FRAS1: variants seen among roughly 807,000 people sequenced by gnomAD.
The protein encoded by FRAS1 is Fraser extracellular matrix complex subunit 1.
FRAS1 carries 290 observed loss-of-function variants against 435.2 expected under a neutral mutation model. The observed-to-expected ratio is 0.67, with a 90% CI of 0.61 to 0.73. The LOEUF is 0.73. FRAS1 is among the 30% of genes least tolerant of loss of function. FRAS1 has a pLI of 0.00. For missense variants in FRAS1, 4,860 were observed against 5,001.5 expected, an observed-to-expected ratio of 0.97 and a Z score of 0.85; for synonymous variants, 1,800 against 1,851.0, an observed-to-expected ratio of 0.97 and a Z score of 0.71.
intron 11 of FRAS1, among the ~76,000 whole-genome samples, chr4:78,282,561 G>A (rs1054016667): frequency 6.6e-6 from 1 of 152,136 alleles, no homozygotes; most frequent in Non-Finnish European, 1.5e-5. Flanking sequence ...TACTTTCACA[G>A]CTTATCTCTG....
At chr4:78,345,493 C>T (rs1454891) in intron 20 of FRAS1, among the ~76,000 whole-genome samples, 15,668 of 151,846 alleles carry the variant, frequency 0.1, 908 homozygotes, top group African/African-American at 0.15. Context: ...TTTCAACTTC[C>T]TCTTTATTCC....
At chr4:78,315,348 G>A (rs536291547) in intron 15 of FRAS1, among the ~76,000 whole-genome samples, 2 of 152,284 alleles carry the variant, frequency 1.3e-5, no homozygotes, top group African/African-American at 4.8e-5. Context: ...GGTTACACTG[G>A]TGGGTGTGCC....
At chr4:78,518,121 AAAAC>A (rs71661172) in intron 66 of FRAS1, among the ~76,000 whole-genome samples, 74,634 of 149,468 alleles carry the variant, frequency 0.5, 19,144 homozygotes, top group East Asian at 0.72. Flanking sequence ...CATCTCTTGA[AAAAC>A]AAACAAACAA....
Position 78,540,615 on chromosome 4 carries a change from C to T in FRAS1, c.11530C>T (p.Leu3844Phe), listed in dbSNP as rs980354509. ...CTCAGGGCCCCGGGTCCAGCGCTCT[C>T]TCACAGCTCCACTCAGACGCAACCG... Reference protein sequence around the residue: ...TISGPRVQRSLTAPLRRNRRD... With the variant: ...TISGPRVQRSFTAPLRRNRRD... The change falls in exon 74 of 74, where the codon CTC (leucine) becomes TTC (phenylalanine). Residue 3844 changes from leucine (L) to phenylalanine (F), a missense_variant. Transcript: ENST00000512123. 1.9e-6 allele frequency: 3 copies of T among 1,568,208 alleles called. No individual in the cohort carries two copies. Among genetic ancestry groups the T allele is most frequent in the Non-Finnish European group, 2.6e-6 (3 of 1,156,994 alleles).
intron 20 of FRAS1, among the ~76,000 whole-genome samples, chr4:78,344,549 A>G (rs1730529957): frequency 6.9e-6 from 1 of 144,812 alleles, no homozygotes; most frequent in East Asian, 2.0e-4. Context: ...CCATGATGCA[A>G]GTACAATTGC....
intron 14 of FRAS1, among the ~76,000 whole-genome samples, chr4:78,287,446 G>T (rs113839095): frequency 1.8e-4 from 27 of 152,282 alleles, no homozygotes; most frequent in African/African-American, 6.3e-4. Flanking sequence ...AACTAAGGCA[G>T]GGTGTGTAGT....
intron 2 of FRAS1, chr4:78,070,566 C>T (rs1740291697): frequency 6.6e-6 from 1 of 152,160 alleles, no homozygotes; most frequent in East Asian, 1.9e-4. Flanking sequence ...CCTGGGCTCA[C>T]AAGACTTTCT....
chr4:78,514,754 G>T (rs1385693492), intron 65 of FRAS1, among the ~76,000 whole-genome samples: 2 of 152,114 alleles, frequency 1.3e-5, no homozygotes, highest in Non-Finnish European at 2.9e-5. Flanking sequence ...AAATACTACA[G>T]TTGCTTTTAG....
chr4:78,096,387 C>T (rs1376754056), intron 2 of FRAS1, among the ~76,000 whole-genome samples: 2 of 152,144 alleles, frequency 1.3e-5, no homozygotes, highest in Non-Finnish European at 2.9e-5. Flanking sequence ...AGGATGGTGG[C>T]CCTCTTCTCA....
At chr4:78,402,652 C>G (rs1416930030) in intron 30 of FRAS1, among the ~76,000 whole-genome samples, 1 of 152,154 alleles carries the variant, frequency 6.6e-6, no homozygotes, top group Non-Finnish European at 1.5e-5. Flanking sequence ...GAAATTAACA[C>G]TGATATGATA....
chr4:78,464,852 T>C (rs1719479533), intron 49 of FRAS1, among the ~76,000 whole-genome samples: 1 of 152,270 alleles, frequency 6.6e-6, no homozygotes, highest in East Asian at 1.9e-4. Context: ...TTTAACATGC[T>C]GATTTTGTAT....
chr4:78,128,281 C>A (rs1011320777), intron 2 of FRAS1, among the ~76,000 whole-genome samples: 1 of 152,120 alleles, frequency 6.6e-6, no homozygotes, highest in African/African-American at 2.4e-5. Flanking sequence ...AATGGGATTG[C>A]TGGGTCAAAT....
chr4:78,521,472 C>A, intron 67 of FRAS1, 51 bp from the exon 68 acceptor site: 1 of 1,281,186 alleles, frequency 7.8e-7, no homozygotes, highest in South Asian at 1.3e-5. Context: ...TGGTTGCTGT[C>A]AGGGAGGAAT....
At chr4:78,513,304 A>G in intron 64 of FRAS1, 88 bp from the exon 65 acceptor site, 1 of 1,361,796 alleles carries the variant, frequency 7.3e-7, no homozygotes, top group South Asian at 1.2e-5. Context: ...TCATTGGTGA[A>G]GACAAATTAG....
chr4:78,394,897 C>T (rs1164399476), intron 29 of FRAS1, among the ~76,000 whole-genome samples: 1 of 151,744 alleles, frequency 6.6e-6, no homozygotes, highest in African/African-American at 2.4e-5. Flanking sequence ...TATTTTATAG[C>T]TTTCATTGGC....
At chr4:78,320,880 G>A (rs1018096968) in intron 18 of FRAS1, among the ~76,000 whole-genome samples, 1 of 152,142 alleles carries the variant, frequency 6.6e-6, no homozygotes, top group African/African-American at 2.4e-5. Context: ...CAGGTTGAAA[G>A]TGGAGGAGCT....
chr4:78,133,802 T>C (rs964296407), intron 2 of FRAS1, among the ~76,000 whole-genome samples: 1 of 152,166 alleles, frequency 6.6e-6, no homozygotes. Flanking sequence ...AGTGAGTCAC[T>C]TAATTTTGCT....
chr4:78,097,505 C>T (rs7689960), intron 2 of FRAS1, among the ~76,000 whole-genome samples: 42,601 of 152,098 alleles, frequency 0.28, 6,305 homozygotes, highest in African/African-American at 0.35. Context: ...TTAAGACATT[C>T]ACAGTTCCAT....
chr4:78,319,180 T>G lies in FRAS1; in HGVS notation c.2137+194T>G, dbSNP rs72866326. Among the ~76,000 whole-genome samples, 1,489 of 152,348 alleles carry G rather than the reference T, an allele frequency of 9.8e-3. 14 individuals are homozygous for G. Among genetic ancestry groups the G allele is most frequent in the African/African-American group, 0.034 (1,424 of 41,580 alleles). On this transcript the variant is annotated intron_variant, in intron 18 of 73. Coordinates refer to ENST00000512123, the MANE Select transcript of FRAS1 (RefSeq NM_025074.7). ...CCTCCCTCCCTTTGTGAACCATAGA[T>G]GATCTTAAAGAGCTAATCCCTTCCA...
Sources: allele counts gnomAD v4.1 joint callset (sites outside exome capture counted in the v4.1 genomes callset), GRCh38; gene constraint gnomAD v4.1.1; transcripts MANE v1.5; gene names NCBI Gene and HGNC (gene_info 2026-07-23, HGNC 2026-07-21).